The following PTPRD variants were observed in gnomAD, a reference collection of about 807,000 sequenced individuals.
PTPRD encodes the protein receptor-type tyrosine-protein phosphatase delta.
In PTPRD, 34 loss-of-function variants were observed where a neutral mutation model predicts 214.5. The ratio of observed to expected loss-of-function variants is 0.16; its 90% CI spans 0.12 to 0.21. PTPRD has a LOEUF of 0.21. PTPRD is among the 10% of genes least tolerant of loss of function. PTPRD has a pLI of 1.00. For synonymous variants in PTPRD, 1,128 were observed against 845.7 expected (o/e 1.33, Z -5.79); for missense variants, 2,545 against 2,398.7 (o/e 1.06, Z -1.27).
intron 10 of PTPRD, among the ~76,000 whole-genome samples, chr9:9,162,808 A>G (rs992860421): frequency 1.3e-5 from 2 of 151,998 alleles, no homozygotes; most frequent in East Asian, 3.9e-4. Context: ...CAGTTCTTCA[A>G]CTCATTCAAC....
At chr9:10,112,289 G>A (rs2098697726) in intron 3 of PTPRD, among the ~76,000 whole-genome samples, 1 of 152,170 alleles carries the variant, frequency 6.6e-6, no homozygotes, top group South Asian at 2.1e-4. Flanking sequence ...TGGCATAGCA[G>A]CCTAATTCTT....
At chr9:10,047,767 T>C (rs746669558) in intron 3 of PTPRD, among the ~76,000 whole-genome samples, 5 of 152,284 alleles carry the variant, frequency 3.3e-5, no homozygotes, top group Middle Eastern at 3.4e-3. Context: ...TGGGTGACCA[T>C]AGGCAATTCA....
chr9:9,126,999 C>A (rs984402294), intron 10 of PTPRD, among the ~76,000 whole-genome samples: 3 of 151,818 alleles, frequency 2.0e-5, no homozygotes, highest in Admixed American at 6.6e-5. Context: ...CACACATACA[C>A]ACACAGGTAC....
intron 2 of PTPRD, among the ~76,000 whole-genome samples, chr9:10,611,605 G>C (rs1169220473): frequency 6.6e-6 from 1 of 152,078 alleles, no homozygotes; most frequent in Non-Finnish European, 1.5e-5. Flanking sequence ...GCCCCAAGAG[G>C]AATACTGCCT....
At chr9:9,695,030 G>C (rs1259812932) in intron 7 of PTPRD, among the ~76,000 whole-genome samples, 1 of 152,070 alleles carries the variant, frequency 6.6e-6, no homozygotes, top group African/African-American at 2.4e-5. Context: ...CAAACAGAAG[G>C]AATCATTCAC....
chr9:10,441,397 C>T (rs2098757455), intron 2 of PTPRD, among the ~76,000 whole-genome samples: 1 of 151,526 alleles, frequency 6.6e-6, no homozygotes, highest in South Asian at 2.1e-4. Context: ...CTCAAAAGTG[C>T]CAGGTTCTTT....
In PTPRD at chr9:9,828,436, G is replaced by C. The variant is rs1170597029; in HGVS notation, c.-367-61585C>G. Among the ~76,000 whole-genome samples the C allele has an allele frequency of 2.0e-5, 3 of 152,114 alleles. No homozygotes were observed. The South Asian group carries it at 6.2e-4, about 31-fold the overall frequency. On this transcript the variant is annotated intron_variant, in intron 5 of 45. Transcript: ENST00000381196. ...AAACACTGCATGTTCTCACTCATAG[G>C]TGGGAATTGAACAATGAGAACACAT...
chr9:9,926,536 G>C (rs2084374775), intron 5 of PTPRD, among the ~76,000 whole-genome samples: 1 of 151,968 alleles, frequency 6.6e-6, no homozygotes, highest in South Asian at 2.1e-4. Flanking sequence ...GCAGAAAAGA[G>C]AAAGAAAAAA....
chr9:9,349,283 G>C (rs2050164783), intron 9 of PTPRD, among the ~76,000 whole-genome samples: 1 of 152,044 alleles, frequency 6.6e-6, no homozygotes. Flanking sequence ...GACATGCCAA[G>C]GGCTAGCTTA....
chr9:9,663,068 T>A (rs1041077495), intron 7 of PTPRD, among the ~76,000 whole-genome samples: 3 of 151,534 alleles, frequency 2.0e-5, no homozygotes, highest in Non-Finnish European at 4.4e-5. Context: ...TAGCAAAATT[T>A]CATTTGATGT....
chr9:9,659,562 G>T (rs1427183140), intron 7 of PTPRD, among the ~76,000 whole-genome samples: 1 of 151,762 alleles, frequency 6.6e-6, no homozygotes, highest in African/African-American at 2.4e-5. Flanking sequence ...CCAAAGTTGA[G>T]AATTACTGTT....
chr9:10,170,011 T>C (rs910796539), intron 3 of PTPRD, among the ~76,000 whole-genome samples: 2 of 152,160 alleles, frequency 1.3e-5, no homozygotes, highest in African/African-American at 4.8e-5. Context: ...TACTCTCTTA[T>C]CACAAAATGC....
intron 13 of PTPRD, among the ~76,000 whole-genome samples, 197 bp from the exon 14 acceptor site, chr9:8,633,655 G>A (rs150721103): frequency 2.6e-5 from 4 of 152,160 alleles, no homozygotes; most frequent in Non-Finnish European, 5.9e-5. Context: ...AGAAAGATAT[G>A]CAACTACATA....
chr9:8,329,383 G>A (rs1386374667), intron 44 of PTPRD, among the ~76,000 whole-genome samples: 3 of 152,152 alleles, frequency 2.0e-5, no homozygotes, highest in African/African-American at 7.2e-5. Flanking sequence ...TCCTTCCTCT[G>A]GAAGCTTCAT....
intron 9 of PTPRD, among the ~76,000 whole-genome samples, chr9:9,362,304 T>C (rs551576352): frequency 6.6e-6 from 1 of 151,256 alleles, no homozygotes; most frequent in African/African-American, 2.4e-5. Context: ...TATAAATAAA[T>C]ATATAGGCAT....
In PTPRD at chr9:8,340,346, G is replaced by C; in HGVS notation, c.5250C>G (p.Gly1750=). ...VVMLTKLREM[G]REKCHQYWPA... Reference sequence around the variant, plus strand: ...CACACAAGGGCCACACACTTACTCTGCCCATTTCACGCAGCTTGGTGAGCA... The same window carrying C: ...CACACAAGGGCCACACACTTACTCTCCCCATTTCACGCAGCTTGGTGAGCA... The change falls in exon 42 of 46, where the codon GGC becomes GGG. Residue 1750 remains glycine, a synonymous_variant. Transcript: ENST00000381196. 6.2e-7 allele frequency: 1 copy of C among 1,606,606 alleles called. No individual in the cohort carries two copies. The highest frequency in any genetic ancestry group is 8.5e-7 in the Non-Finnish European group (1 of 1,174,636).
intron 5 of PTPRD, among the ~76,000 whole-genome samples, chr9:9,822,164 G>A (rs944905074): frequency 2.7e-5 from 4 of 150,554 alleles, no homozygotes; most frequent in Admixed American, 6.6e-5. Flanking sequence ...TGTATTTTTC[G>A]CACTTTGGGA....
At chr9:9,795,047 C>T (rs1020181669) in intron 5 of PTPRD, among the ~76,000 whole-genome samples, 3 of 152,216 alleles carry the variant, frequency 2.0e-5, no homozygotes, top group Admixed American at 6.5e-5. Flanking sequence ...ACAGGCCACT[C>T]CCAAGCCCCT....
intron 44 of PTPRD, among the ~76,000 whole-genome samples, chr9:8,325,429 C>T (rs1360266761): frequency 6.7e-6 from 1 of 148,960 alleles, no homozygotes; most frequent in Non-Finnish European, 1.5e-5. Context: ...TCTGAGGCCT[C>T]TGTTCTGTTC....
Sources: allele counts gnomAD v4.1 joint callset (sites outside exome capture counted in the v4.1 genomes callset), GRCh38; gene constraint gnomAD v4.1.1; transcripts MANE v1.5; gene names NCBI Gene and HGNC (gene_info 2026-07-23, HGNC 2026-07-21).